RAPGEF6: variants seen among roughly 807,000 people sequenced by gnomAD.
RAPGEF6 encodes PDZ domain containing guanine nucleotide exchange factor (GEF) 2.
Under a neutral mutation model 171.4 loss-of-function variants are expected in RAPGEF6, and 56 were observed. The observed-to-expected ratio is 0.33, with a 90% CI of 0.26 to 0.41. RAPGEF6 has a LOEUF of 0.41. Among genes scored for constraint, RAPGEF6 ranks in the 10% least tolerant of loss-of-function variants. RAPGEF6 has a pLI of 1.00. For missense variants in RAPGEF6, 1,674 were observed against 1,921.4 expected (o/e 0.87, Z 2.41); for synonymous variants, 692 against 650.1 (o/e 1.06, Z -0.98).
At chr5:131,475,964 G>A (rs1755060946) in intron 16 of RAPGEF6, among the ~76,000 whole-genome samples, 1 of 152,084 alleles carries the variant, frequency 6.6e-6, no homozygotes, top group South Asian at 2.1e-4. Flanking sequence ...CAGAAATTGT[G>A]AAACTGAACT....
chr5:131,488,798 C>T (rs56235343), intron 15 of RAPGEF6, among the ~76,000 whole-genome samples: 4,024 of 152,226 alleles, frequency 0.026, 185 homozygotes, highest in African/African-American at 0.092. Context: ...GTTTTCCTCC[C>T]TACTTCATAA....
At chr5:131,589,638 C>T (rs546999479) in intron 4 of RAPGEF6, among the ~76,000 whole-genome samples, 1 of 152,288 alleles carries the variant, frequency 6.6e-6, no homozygotes, top group East Asian at 1.9e-4. Flanking sequence ...CCCTTTATTG[C>T]CATACTTTGT....
intron 24 of RAPGEF6, 72 bp from the exon 25 acceptor site, chr5:131,433,730 T>TA: frequency 1.8e-6 from 2 of 1,120,758 alleles, no homozygotes; most frequent in South Asian, 1.4e-5. Flanking sequence ...GGGGAAAGGA[T>TA]GAAAAAAAAA....
At chr5:131,435,755 A>G in intron 24 of RAPGEF6, 2 of 1,121,720 alleles carry the variant, frequency 1.8e-6, no homozygotes, top group Non-Finnish European at 2.4e-6. Flanking sequence ...AGTCAACTAC[A>G]GAAAACAAGA....
chr5:131,462,103 T>G lies in RAPGEF6; in HGVS notation c.2481-15A>C, dbSNP rs764718437. ...TTAAGTAATACCTAAATGGAAAAAT[T>G]TTTTTAAATAAATGTATTCATAAAT... On this transcript the variant is annotated splice_polypyrimidine_tract_variant and intron_variant, in intron 18 of 27. Transcript: ENST00000509018. 7.6e-6 allele frequency: 11 copies of G among 1,454,216 alleles called. No individual in the cohort carries two copies. The African/African-American group carries it at 1.2e-4, about 15-fold the overall frequency. The allele number at this position is 1,454,216 out of a possible 1,614,324, so 90.1% of individuals were successfully genotyped here. A position where few individuals can be genotyped will look rare whatever the true frequency, so the allele number is the denominator to read the frequency against.
At chr5:131,633,062 C>T (rs1381692308) in intron 1 of RAPGEF6, among the ~76,000 whole-genome samples, 1 of 152,102 alleles carries the variant, frequency 6.6e-6, no homozygotes, top group Non-Finnish European at 1.5e-5. Context: ...CAGCCAGGCG[C>T]GGGGCTCACA....
chr5:131,603,218 T>G, intron 3 of RAPGEF6, 53 bp downstream of exon 3: 2 of 1,287,924 alleles, frequency 1.6e-6, no homozygotes, highest in South Asian at 2.7e-5. Flanking sequence ...ATGCTAAGAG[T>G]TAAAATTTAA....
intron 24 of RAPGEF6, chr5:131,436,253 C>G (rs991875804): frequency 1.3e-6 from 2 of 1,537,542 alleles, no homozygotes; most frequent in South Asian, 2.4e-5. Context: ...GTGGCCTTCT[C>G]AGTACTGTCT....
intron 4 of RAPGEF6, among the ~76,000 whole-genome samples, chr5:131,563,819 T>A (rs550813149): frequency 1.3e-5 from 2 of 152,182 alleles, no homozygotes; most frequent in East Asian, 3.8e-4. Flanking sequence ...TTGTTTTTTC[T>A]TAAGCAGAAG....
intron 5 of RAPGEF6, among the ~76,000 whole-genome samples, chr5:131,548,484 A>G (rs1448252639): frequency 2.0e-5 from 3 of 152,232 alleles, no homozygotes; most frequent in East Asian, 1.9e-4. Flanking sequence ...ACACCTACAC[A>G]TTCAATAATT....
At chr5:131,553,848 G>A (rs959561601) in intron 5 of RAPGEF6, among the ~76,000 whole-genome samples, 2 of 150,910 alleles carry the variant, frequency 1.3e-5, no homozygotes, top group African/African-American at 4.9e-5. Flanking sequence ...AAATCCAGAA[G>A]ACTTACTCAA....
At chr5:131,484,720 A>G (rs1250741251) in intron 15 of RAPGEF6, among the ~76,000 whole-genome samples, 1 of 152,190 alleles carries the variant, frequency 6.6e-6, no homozygotes, top group Non-Finnish European at 1.5e-5. Flanking sequence ...TATCAATATG[A>G]CATTAACTCA....
intron 9 of RAPGEF6, among the ~76,000 whole-genome samples, chr5:131,505,811 A>G (rs181450374): frequency 7.5e-4 from 114 of 152,338 alleles, no homozygotes; most frequent in South Asian, 6.4e-3. Context: ...ATATTAATCC[A>G]TACCATGCCA....
chr5:131,439,208 T>C (rs772227934), intron 24 of RAPGEF6, among the ~76,000 whole-genome samples: 5 of 152,218 alleles, frequency 3.3e-5, no homozygotes, highest in Non-Finnish European at 5.9e-5. Flanking sequence ...TGAGCCACTG[T>C]GCCTGGCCTA....
At chr5:131,586,449 G>A (rs1763260340) in intron 4 of RAPGEF6, among the ~76,000 whole-genome samples, 1 of 152,126 alleles carries the variant, frequency 6.6e-6, no homozygotes, top group Admixed American at 6.6e-5. Context: ...GGCCAGCAGT[G>A]GTGAAACCCT....
chr5:131,554,673 C>T (rs916592329), intron 5 of RAPGEF6, among the ~76,000 whole-genome samples: 1 of 152,140 alleles, frequency 6.6e-6, no homozygotes, highest in African/African-American at 2.4e-5. Flanking sequence ...GCGCCTACCA[C>T]ACCTGGCTAA....
chr5:131,489,564 C>G lies in RAPGEF6; in HGVS notation c.1822G>C (p.Val608Leu), dbSNP rs1195960851. The change falls in exon 15 of 28, where the codon GTG (valine) becomes CTG (leucine). Residue 608 changes from valine (V) to leucine (L), a missense_variant. By Grantham distance (32) the Val-to-Leu change is conservative. Around this residue, in one of 3 missense-constraint regions of RAPGEF6, gnomAD observed 1,116 missense variants for 1,321.5 expected, o/e 0.84. Transcript: ENST00000509018. ...AACTCACCAAAAATGTTGGTCTTCACAGTAAGTGCAAGATGAGTATTATTC... is the reference window on the plus strand; with the variant it reads ...AACTCACCAAAAATGTTGGTCTTCAGAGTAAGTGCAAGATGAGTATTATTC... ...LRNNTHLALT[V>L]KTNIFVFKEL... The G allele has an allele frequency of 1.3e-5, 20 of 1,585,628 alleles. No homozygotes were observed. The highest frequency in any genetic ancestry group is 1.6e-5 in the Non-Finnish European group (19 of 1,167,318).
intron 18 of RAPGEF6, 164 bp downstream of exon 18, chr5:131,463,877 G>C: frequency 7.4e-7 from 1 of 1,360,230 alleles, no homozygotes; most frequent in Non-Finnish European, 9.5e-7. Context: ...GTGGTTCTAA[G>C]AGTTTATTTT....
intron 17 of RAPGEF6, among the ~76,000 whole-genome samples, chr5:131,471,564 T>C (rs2149846217): frequency 6.6e-6 from 1 of 152,328 alleles, no homozygotes; most frequent in Middle Eastern, 3.4e-3. Flanking sequence ...TCTCCCACCT[T>C]TCCTTGGACC....
Sources: allele counts gnomAD v4.1 joint callset (sites outside exome capture counted in the v4.1 genomes callset), GRCh38; gene constraint gnomAD v4.1.1; regional missense constraint gnomAD v4.1.1; transcripts MANE v1.5; gene names NCBI Gene and HGNC (gene_info 2026-07-23, HGNC 2026-07-21).